Variants in THSD4 observed in about 807,000 individuals in gnomAD.
THSD4 encodes the protein thrombospondin type 1 domain containing 4.
Under a neutral mutation model 119.0 loss-of-function variants are expected in THSD4, and 69 were observed. That is an observed-to-expected ratio of 0.58 (90% CI 0.48 to 0.71). THSD4 has a LOEUF of 0.71. Among genes scored for constraint, THSD4 ranks in the 30% least tolerant of loss-of-function variants. The probability of loss-of-function intolerance (pLI) is 0.00; values close to 1 mark genes in which losing one functional copy is unlikely to be tolerated. For missense variants in THSD4, 1,393 were observed against 1,391.1 expected (o/e 1.00, Z -0.02); for synonymous variants, 524 against 540.4 (o/e 0.97, Z 0.42).
intron 5 of THSD4, among the ~76,000 whole-genome samples, chr15:71,252,537 G>C (rs1567170290): frequency 2.0e-5 from 3 of 152,220 alleles, no homozygotes; most frequent in Admixed American, 2.0e-4. Flanking sequence ...TCCGGCTTTG[G>C]CCTCTAGCCC....
intron 3 of THSD4, among the ~76,000 whole-genome samples, chr15:71,192,250 T>C (rs1466502937): frequency 6.6e-6 from 1 of 151,878 alleles, no homozygotes; most frequent in Non-Finnish European, 1.5e-5. Flanking sequence ...TTTTTTGATG[T>C]GTACTGTCTT....
chr15:71,242,773 C>T lies in THSD4; in HGVS notation c.589C>T (p.Arg197Cys), dbSNP rs752619015. The change falls in exon 5 of 18, where the codon CGC becomes TGC. Residue 197 changes from arginine to cysteine, a missense_variant. Arg to Cys is a radical substitution (Grantham distance 180). Transcript: ENST00000261862. The stretch of plus-strand genomic sequence containing the variant: ...GCTCCGGAGACAGAAGCTCTCATCC[C>T]GCCATTCCAGGTCCCAGGGAGCATC... ...QRLRRQKLSS[R>C]HSRSQGASSA... 5.1e-5 allele frequency: 82 copies of T among 1,614,056 alleles called. No homozygotes were observed. Among genetic ancestry groups the T allele is most frequent in the South Asian group, 1.2e-4 (11 of 91,084 alleles).
chr15:71,689,625 C>T (rs1041549615), intron 8 of THSD4, among the ~76,000 whole-genome samples: 11 of 152,232 alleles, frequency 7.2e-5, no homozygotes, highest in African/African-American at 2.7e-4. Context: ...CTACACCATC[C>T]TCCTAGCTCT....
At chr15:71,619,078 T>C (rs2050373888) in intron 7 of THSD4, among the ~76,000 whole-genome samples, 1 of 152,042 alleles carries the variant, frequency 6.6e-6, no homozygotes, top group Non-Finnish European at 1.5e-5. Flanking sequence ...CAAGCAATTC[T>C]TCTGCCTCAA....
At chr15:71,137,002 G>A (rs2040557894) in intron 1 of THSD4, among the ~76,000 whole-genome samples, 2 of 152,226 alleles carry the variant, frequency 1.3e-5, no homozygotes, top group Middle Eastern at 3.4e-3. Flanking sequence ...CTGGTGTGTG[G>A]GGATGGCCAC....
chr15:71,459,258 A>G (rs1225915511), intron 7 of THSD4, among the ~76,000 whole-genome samples: 1 of 148,500 alleles, frequency 6.7e-6, no homozygotes, highest in Non-Finnish European at 1.5e-5. Context: ...TCTCAGGTTC[A>G]AGCGATTCTC....
intron 7 of THSD4, among the ~76,000 whole-genome samples, chr15:71,486,123 G>A (rs2047812666): frequency 6.6e-6 from 1 of 151,968 alleles, no homozygotes; most frequent in African/African-American, 2.4e-5. Flanking sequence ...ATTCAGTCTT[G>A]AGCACCCTTA....
At chr15:71,602,986 GGGCTTTCT>G (rs1295385967) in intron 7 of THSD4, among the ~76,000 whole-genome samples, 1 of 152,238 alleles carries the variant, frequency 6.6e-6, no homozygotes, top group Non-Finnish European at 1.5e-5. Context: ...TTTGAACCCA[GGGCTTTCT>G]GGCTCTAAAG....
At chr15:71,266,407 A>G (rs1226083830) in intron 6 of THSD4, among the ~76,000 whole-genome samples, 1 of 152,196 alleles carries the variant, frequency 6.6e-6, no homozygotes, top group Non-Finnish European at 1.5e-5. Context: ...AGAAAGGAAT[A>G]GCATCAACAT....
intron 1 of THSD4, among the ~76,000 whole-genome samples, chr15:71,125,106 G>A (rs1172576571): frequency 6.6e-6 from 1 of 152,004 alleles, no homozygotes; most frequent in African/African-American, 2.4e-5. Flanking sequence ...AGGTGAAGAG[G>A]AAGGGGAAAG....
At chr15:71,263,346 T>TATATATATATATATATATAC (rs937302953) in intron 6 of THSD4, among the ~76,000 whole-genome samples, 2 of 150,764 alleles carry the variant, frequency 1.3e-5, no homozygotes, top group Admixed American at 1.3e-4. Context: ...TATATATATA[T>TATATATATATATATATATAC]ACGACATTTT....
intron 7 of THSD4, among the ~76,000 whole-genome samples, chr15:71,572,407 G>T (rs1055813997): frequency 6.6e-6 from 1 of 152,184 alleles, no homozygotes; most frequent in African/African-American, 2.4e-5. Flanking sequence ...CTCACCTGTA[G>T]TAGTGGCTGT....
chr15:71,341,504 C>T (rs760457138), intron 6 of THSD4: 2 of 1,612,630 alleles, frequency 1.2e-6, no homozygotes, highest in East Asian at 2.2e-5. Flanking sequence ...GGCCTGCGCA[C>T]ACCTGCCAAC....
chr15:71,215,951 G>A (rs754046601), intron 4 of THSD4, among the ~76,000 whole-genome samples: 5 of 152,194 alleles, frequency 3.3e-5, no homozygotes, highest in Non-Finnish European at 5.9e-5. Flanking sequence ...ATATGTCTAA[G>A]GACCTAAACT....
intron 11 of THSD4, among the ~76,000 whole-genome samples, chr15:71,739,074 T>G (rs537989846): frequency 2.0e-5 from 3 of 147,594 alleles, no homozygotes; most frequent in Non-Finnish European, 4.5e-5. Context: ...CAGTTGAAAC[T>G]CATTCTCAAA....
At chr15:71,476,316 C>G (rs2140653455) in intron 7 of THSD4, among the ~76,000 whole-genome samples, 1 of 152,296 alleles carries the variant, frequency 6.6e-6, no homozygotes. Context: ...ACTGCAGCCT[C>G]CGCCTCCCAG....
At chr15:71,201,867 C>T (rs1347363065) in intron 3 of THSD4, among the ~76,000 whole-genome samples, 2 of 152,188 alleles carry the variant, frequency 1.3e-5, no homozygotes, top group East Asian at 1.9e-4. Context: ...AAGAGGAGCC[C>T]GCCTTGGTAG....
chr15:71,257,153 C>T (rs1320656444), intron 6 of THSD4, among the ~76,000 whole-genome samples: 1 of 152,070 alleles, frequency 6.6e-6, no homozygotes, highest in African/African-American at 2.4e-5. Context: ...TGTAGGGGGC[C>T]TCACATGCTG....
intron 7 of THSD4, among the ~76,000 whole-genome samples, chr15:71,610,584 G>T (rs915306895): frequency 1.3e-5 from 2 of 152,186 alleles, no homozygotes; most frequent in Non-Finnish European, 2.9e-5. Context: ...TGGTGACAGG[G>T]ATACAGGCAT....
Sources: gnomAD v4.1 joint callset for allele counts (sites outside exome capture counted in the v4.1 genomes callset) on GRCh38, gnomAD v4.1.1 for gene constraint, MANE v1.5 for transcripts, NCBI Gene and HGNC (gene_info 2026-07-23, HGNC 2026-07-21) for gene names.